Variants in CHIC1 observed in about 807,000 individuals in gnomAD.
CHIC1 encodes cysteine rich hydrophobic domain 1.
CHIC1 carries 7 observed loss-of-function variants against 18.5 expected under a neutral mutation model. The ratio of observed to expected loss-of-function variants is 0.38; its 90% confidence interval spans 0.22 to 0.71. CHIC1 has a LOEUF of 0.71. CHIC1 is among the 30% of genes least tolerant of loss of function. The pLI, the probability that CHIC1 is intolerant of heterozygous loss-of-function variation, is 0.49. For missense variants in CHIC1, 159 were observed against 176.9 expected, an observed-to-expected ratio of 0.90 and a Z score of 0.57; for synonymous variants, 77 against 73.5, an observed-to-expected ratio of 1.05 and a Z score of -0.25.
chrX:73,563,215 C>T lies in CHIC1; in HGVS notation c.-70C>T. The T allele has an allele frequency of 1.9e-6, 2 of 1,036,720 alleles. No homozygotes were observed. Among genetic ancestry groups the T allele is most frequent in the South Asian group, 3.0e-5 (1 of 33,227 alleles). 85.4% of individuals were successfully genotyped at this position (1,036,720 alleles called of 1,213,427 possible). On this transcript the variant is annotated 5_prime_UTR_variant, in exon 1 of 6. Transcript: ENST00000373502. ...CCTCTTTCTCTTCATTTCGTTCCCCCTCCTCTTGCAGCACCTCGGCAGGTT... is the reference window on the plus strand; with the variant it reads ...CCTCTTTCTCTTCATTTCGTTCCCCTTCCTCTTGCAGCACCTCGGCAGGTT...
intron 3 of CHIC1, among the ~76,000 whole-genome samples, chrX:73,608,132 G>A (rs769303352): frequency 9.1e-6 from 1 of 109,305 alleles, no homozygotes; most frequent in South Asian, 3.7e-4. Flanking sequence ...GGATATCCAG[G>A]TTTCCCTGTA....
At chrX:73,596,095 C>T (rs1179495395) in intron 3 of CHIC1, among the ~76,000 whole-genome samples, 2 of 111,563 alleles carry the variant, frequency 1.8e-5, no homozygotes, top group Non-Finnish European at 3.8e-5. Context: ...TGATACATTG[C>T]AAAAATTTTC....
intron 3 of CHIC1, among the ~76,000 whole-genome samples, chrX:73,677,124 A>C (rs1274923774): frequency 1.8e-5 from 2 of 111,265 alleles, no homozygotes; most frequent in Non-Finnish European, 3.8e-5. Context: ...CGGCCCTGTG[A>C]GGTGTCAGTT....
intron 3 of CHIC1, among the ~76,000 whole-genome samples, chrX:73,673,007 A>G (rs1229049527): frequency 1.8e-5 from 2 of 111,942 alleles, no homozygotes; most frequent in Non-Finnish European, 3.8e-5. Flanking sequence ...TCCCAGCACC[A>G]TTTATTAAAT....
intron 3 of CHIC1, among the ~76,000 whole-genome samples, chrX:73,602,155 C>T (rs1188869480): frequency 9.2e-6 from 1 of 108,267 alleles, no homozygotes; most frequent in Non-Finnish European, 1.9e-5. Context: ...GGAGCTGGTA[C>T]CATTCCTTCT....
At chrX:73,571,523 A>C (rs2057470667) in intron 1 of CHIC1, among the ~76,000 whole-genome samples, 1 of 111,520 alleles carries the variant, frequency 9.0e-6, no homozygotes, top group African/African-American at 3.2e-5. Flanking sequence ...TTAATACTAG[A>C]ATATCAATTT....
intron 3 of CHIC1, among the ~76,000 whole-genome samples, chrX:73,673,670 G>T (rs1225948370): frequency 8.9e-6 from 1 of 111,802 alleles, no homozygotes; most frequent in Admixed American, 9.5e-5. Flanking sequence ...TGGTTTTCTA[G>T]ATATACAATC....
At chrX:73,578,229 A>G (rs1294440773) in intron 2 of CHIC1, among the ~76,000 whole-genome samples, 1 of 110,770 alleles carries the variant, frequency 9.0e-6, no homozygotes, top group Non-Finnish European at 1.9e-5. Flanking sequence ...TACAATTTTT[A>G]AAAAGAAACT....
intron 3 of CHIC1, among the ~76,000 whole-genome samples, chrX:73,675,829 A>T (rs936724984): frequency 1.1e-4 from 12 of 110,520 alleles, no homozygotes; most frequent in Non-Finnish European, 2.1e-4. Flanking sequence ...CCTAGCCTCA[A>T]TGGTCTTTAC....
chrX:73,622,787 A>T (rs1457356930), intron 3 of CHIC1, among the ~76,000 whole-genome samples: 1 of 111,628 alleles, frequency 9.0e-6, no homozygotes, highest in Admixed American at 9.5e-5. Flanking sequence ...TTAGACTGTC[A>T]ATTTTACATC....
intron 3 of CHIC1, among the ~76,000 whole-genome samples, chrX:73,588,740 C>T (rs894228005): frequency 7.2e-5 from 8 of 110,492 alleles, no homozygotes; most frequent in Non-Finnish European, 1.3e-4. Flanking sequence ...TTTGATTACA[C>T]ATTCAATATT....
At chrX:73,590,187 G>A (rs1367320122) in intron 3 of CHIC1, among the ~76,000 whole-genome samples, 1 of 110,724 alleles carries the variant, frequency 9.0e-6, no homozygotes, top group African/African-American at 3.3e-5. Flanking sequence ...CTTGATGCCA[G>A]CCTGAAGAAC....
chrX:73,616,554 A>G (rs984148586), intron 3 of CHIC1, among the ~76,000 whole-genome samples: 4 of 111,507 alleles, frequency 3.6e-5, no homozygotes, highest in African/African-American at 1.3e-4. Context: ...TGAGAGCCCC[A>G]CCCCTGCAGC....
At chrX:73,584,722 G>A (rs773746546) in intron 3 of CHIC1, 150 bp downstream of exon 3, 25 of 403,687 alleles carry the variant, frequency 6.2e-5, no homozygotes, top group Middle Eastern at 1.5e-3. Flanking sequence ...GAAACTTGGG[G>A]ACAGGTACAT....
Position 73,680,973 on chromosome X carries a change from T to G in CHIC1, c.643T>G (p.Leu215Val). 1 of 1,104,719 alleles carries G rather than the reference T, an allele frequency of 9.1e-7. No individual in the cohort carries two copies. The highest frequency in any genetic ancestry group is 2.7e-5 in the Admixed American group (1 of 37,349). 91.0% of individuals were successfully genotyped at this position (1,104,719 alleles called of 1,213,427 possible). A position where few individuals can be genotyped will look rare whatever the true frequency, so the allele number is the denominator to read the frequency against. ...TTTGCAGGTAATACTAATAGAATTC[T>G]TACCAAAATATCCCATATTCCGACC... ...MMEYVILIEF[L>V]PKYPIFRPD The change falls in exon 6 of 6, where the codon TTA (leucine) becomes GTA (valine). Residue 215 changes from leucine (L) to valine (V), a missense_variant. Physicochemically the swap from Leu to Val is conservative, Grantham distance 32. Transcript: ENST00000373502.
At chrX:73,607,933 A>G (rs2057690761) in intron 3 of CHIC1, among the ~76,000 whole-genome samples, 1 of 109,065 alleles carries the variant, frequency 9.2e-6, no homozygotes, top group African/African-American at 3.6e-5. Context: ...GTTTCTATTC[A>G]GCCATCTTGC....
intron 3 of CHIC1, among the ~76,000 whole-genome samples, chrX:73,659,087 C>T (rs866518792): frequency 3.6e-5 from 4 of 111,789 alleles, no homozygotes; most frequent in Non-Finnish European, 7.5e-5. Flanking sequence ...AGTCAACGTA[C>T]TTGTGGGTAA....
At chrX:73,609,155 TAAA>T (rs767979296) in intron 3 of CHIC1, among the ~76,000 whole-genome samples, 1 of 89,325 alleles carries the variant, frequency 1.1e-5, no homozygotes, top group East Asian at 3.3e-4. Context: ...ACACCATCTC[TAAA>T]AAAAAAAAAA....
At chrX:73,650,903 C>T (rs761627281) in intron 3 of CHIC1, among the ~76,000 whole-genome samples, 226 of 111,320 alleles carry the variant, frequency 2.0e-3, no homozygotes, top group African/African-American at 7.1e-3. Context: ...AACTTCAGGC[C>T]GATATTCCTG....
Sources: gnomAD v4.1 joint callset for allele counts (sites outside exome capture counted in the v4.1 genomes callset) on GRCh38, gnomAD v4.1.1 for gene constraint, MANE v1.5 for transcripts, NCBI Gene and HGNC (gene_info 2026-07-23, HGNC 2026-07-21) for gene names.